Variants in ENPP7 observed in about 807,000 individuals in gnomAD.
The protein encoded by ENPP7 is ectonucleotide pyrophosphatase/phosphodiesterase family member 7.
ENPP7 carries 39 observed loss-of-function variants against 33.6 expected under a neutral mutation model. That is an observed-to-expected ratio of 1.16 (90% CI 0.90 to 1.52). The LOEUF is 1.52. Among genes scored for constraint, ENPP7 ranks in the 40% most tolerant of loss-of-function variants. The pLI is 0.00. For synonymous variants in ENPP7, 244 were observed against 274.3 expected (o/e 0.89, Z 1.09); for missense variants, 594 against 641.0 (o/e 0.93, Z 0.79).
chr17:79,741,935 TG>T lies in ENPP7; in HGVS notation c.*160del. ...GTCCCCGGCAGCGCCAACCCCTGCT[TG>T]GCTGTTATGGTGCTGGTAATAAGCC... On this transcript the variant is annotated 3_prime_UTR_variant, in exon 6 of 6. Transcript: ENST00000328313. The T allele has an allele frequency of 1.0e-6, 1 of 985,558 alleles. No individual in the cohort carries two copies. 61.1% of individuals were successfully genotyped at this position (985,558 alleles called of 1,614,324 possible). A position where few individuals can be genotyped will look rare whatever the true frequency, so the allele number is the denominator to read the frequency against.
rs782229611 is a variant in ENPP7 at position 79,737,085 on chromosome 17, C to T, written c.1071C>T (p.Asn357=). ...ACAATGGGGAGCACGGCTTTGACAA[C>T]AAGGACATGGACATGAAGACCATCT... The part of the protein sequence containing the change: ...QFNNGEHGFD[N]KDMDMKTIFR... Residue 357 remains asparagine, a synonymous_variant, in exon 4 of 6, where the codon AAC becomes AAT. Coordinates refer to ENST00000328313, the MANE Select transcript of ENPP7 (RefSeq NM_178543.5). The surrounding 1 kb of genome is among the most constrained non-coding windows in gnomAD (Gnocchi z 5.5). The T allele has an allele frequency of 5.0e-6, 8 of 1,614,062 alleles. No homozygotes were observed. In the Admixed American group the frequency reaches 1.3e-4, roughly 27 times the overall value.
chr17:79,737,781 G>A lies in ENPP7; in HGVS notation c.1247-135G>A. The A allele has an allele frequency of 1.0e-6, 1 of 973,392 alleles. No individual in the cohort carries two copies. 60.3% of individuals were successfully genotyped at this position (973,392 alleles called of 1,614,324 possible). ...CTATGAAGGGCCGTGGTGGACAAAG[G>A]CCATGGGACCAAGGGGGCGGTGAAA... On this transcript the variant is annotated intron_variant, in intron 4 of 5. Coordinates refer to ENST00000328313, the MANE Select transcript of ENPP7 (RefSeq NM_178543.5). This position sits in a 1 kb window ranked among gnomAD's most constrained non-coding sequence, Gnocchi z 5.5.
Position 79,737,335 on chromosome 17 carries a change from G to A in ENPP7, c.1246+75G>A. 7.7e-7 allele frequency: 1 copy of A among 1,301,120 alleles called. No individual in the cohort carries two copies. Among genetic ancestry groups the A allele is most frequent in the South Asian group, 1.3e-5 (1 of 77,676 alleles). The allele number at this position is 1,301,120 out of a possible 1,614,324, so 80.6% of individuals were successfully genotyped here. On this transcript the variant is annotated intron_variant, in intron 4 of 5. Transcript: ENST00000328313. The surrounding 1 kb of genome is among the most constrained non-coding windows in gnomAD (Gnocchi z 5.5). ...TGCACACGAGGGTGCCTGCATGCCTGTGACCAGGACACCCTTGAGCCCCAA... is the reference window on the plus strand; with the variant it reads ...TGCACACGAGGGTGCCTGCATGCCTATGACCAGGACACCCTTGAGCCCCAA...
intron 5 of ENPP7, among the ~76,000 whole-genome samples, chr17:79,740,584 G>C (rs1905449085): frequency 6.6e-6 from 1 of 152,204 alleles, no homozygotes; most frequent in South Asian, 2.1e-4. Context: ...TTAACCAAGA[G>C]AGGGACTCAG....
rs782468121 is a variant in ENPP7, at chr17:79,735,346, C to T, written c.703C>T (p.Leu235Phe). Reference sequence around the variant, plus strand: ...CCGGGAGAGCATCGCGCGCAACCACCTCACAGACCGCCTCAACCTGATCAT... The same window carrying T: ...CCGGGAGAGCATCGCGCGCAACCACTTCACAGACCGCCTCAACCTGATCAT... ...YLRESIARNH[L>F]TDRLNLIITS... Residue 235 changes from leucine (L) to phenylalanine (F), a missense_variant, in exon 3 of 6, where the codon CTC becomes TTC. Transcript: ENST00000328313. The surrounding 1 kb of genome is among the most constrained non-coding windows in gnomAD (Gnocchi z 5.5). 1.2e-6 allele frequency: 2 copies of T among 1,613,840 alleles called. No individual in the cohort carries two copies. Among genetic ancestry groups the T allele is most frequent in the Non-Finnish European group, 8.5e-7 (1 of 1,180,020 alleles).
intron 2 of ENPP7, 57 bp from the exon 3 acceptor site, chr17:79,734,986 T>C: frequency 6.4e-7 from 1 of 1,569,230 alleles, no homozygotes; most frequent in Non-Finnish European, 8.7e-7. Context: ...TTCACAGGCA[T>C]GAGACAAGGG....
At position 79,737,287 on chromosome 17, in the gene ENPP7, G is replaced by A. The variant is rs188510173; in HGVS notation, c.1246+27G>A. 3.3e-4 allele frequency: 518 copies of A among 1,548,990 alleles called. 2 individuals carry two copies. The East Asian group carries it at 5.1e-3, about 15-fold the overall frequency. On this transcript the variant is annotated intron_variant, in intron 4 of 5. Coordinates refer to ENST00000328313, the MANE Select transcript of ENPP7 (RefSeq NM_178543.5). This position sits in a 1 kb window ranked among gnomAD's most constrained non-coding sequence, Gnocchi z 5.5. ...TGAGGGCAGGGTGCCCCAAATCCCCGCCTGCTCTGGTGTGTACACGTGTGC... is the reference window on the plus strand; with the variant it reads ...TGAGGGCAGGGTGCCCCAAATCCCCACCTGCTCTGGTGTGTACACGTGTGC...
In ENPP7 at chr17:79,735,428, T is replaced by C; in HGVS notation, c.785T>C (p.Phe262Ser). 3.7e-6 allele frequency: 6 copies of C among 1,614,106 alleles called. No homozygotes were observed. The highest frequency in any genetic ancestry group is 5.1e-6 in the Non-Finnish European group (6 of 1,180,034). Reference protein sequence around the residue: ...VDKRAGDLVEFHKFPNFTFRD... With the variant: ...VDKRAGDLVESHKFPNFTFRD... ...AAACGGGCTGGCGACCTGGTTGAAT[T>C]CCACAAGTTCCCCAACTTCACCTTC... Residue 262 changes from phenylalanine (F) to serine (S), a missense_variant, in exon 3 of 6, where the codon TTC becomes TCC. Coordinates refer to ENST00000328313, the MANE Select transcript of ENPP7 (RefSeq NM_178543.5). The surrounding 1 kb of genome is among the most constrained non-coding windows in gnomAD (Gnocchi z 5.5).
At position 79,735,218 on chromosome 17, in the gene ENPP7, C is replaced by T. The variant is rs782239979; in HGVS notation, c.575C>T (p.Thr192Ile). The stretch of plus-strand genomic sequence containing the variant: ...ACAGAGGAGGACCTGGATCTGGTCA[C>T]ACTCTACTTCGGGGAGCCGGACTCC... Reference protein sequence around the residue: ...WFTEEDLDLVTLYFGEPDSTG... With the variant: ...WFTEEDLDLVILYFGEPDSTG... The change falls in exon 3 of 6, where the codon ACA (threonine) becomes ATA (isoleucine). Residue 192 changes from threonine to isoleucine, a missense_variant. Around this residue, in one of 3 missense-constraint regions of ENPP7, gnomAD observed 504 missense variants for 512.8 expected, o/e 0.98. Transcript: ENST00000328313. The surrounding 1 kb of genome is among the most constrained non-coding windows in gnomAD (Gnocchi z 5.5). 9.3e-6 allele frequency: 15 copies of T among 1,613,414 alleles called. No individual in the cohort carries two copies. Among genetic ancestry groups the T allele is most frequent in the Non-Finnish European group, 1.2e-5 (14 of 1,180,020 alleles).
At chr17:79,740,972 A>T (rs1161443268) in intron 5 of ENPP7, among the ~76,000 whole-genome samples, 8 of 151,960 alleles carry the variant, frequency 5.3e-5, no homozygotes, top group African/African-American at 1.2e-4. Flanking sequence ...TTCTGTGGCT[A>T]GCTTCTTTTC....
Position 79,738,262 on chromosome 17 carries a change from G to A in ENPP7, c.*16+200G>A. The stretch of plus-strand genomic sequence containing the variant: ...CTGACCCTTCCAGCCTCTCTGCTCT[G>A]GGCTTGGAGGAGGTCTTTCCAGAGC... On this transcript the variant is annotated intron_variant, in intron 5 of 5. Coordinates refer to ENST00000328313, the MANE Select transcript of ENPP7 (RefSeq NM_178543.5). This position sits in a 1 kb window ranked among gnomAD's most constrained non-coding sequence, Gnocchi z 6.2. 1.7e-6 allele frequency: 1 copy of A among 574,412 alleles called. No individual in the cohort carries two copies. The allele number at this position is 574,412 out of a possible 1,614,324, so 35.6% of individuals were successfully genotyped here. A position where few individuals can be genotyped will look rare whatever the true frequency, so the allele number is the denominator to read the frequency against.
intron 2 of ENPP7, 49 bp from the exon 3 acceptor site, chr17:79,734,994 G>C (rs72855484): frequency 0.096 from 151,715 of 1,583,924 alleles, 7,973 homozygotes; most frequent in South Asian, 0.17. Flanking sequence ...CATGAGACAA[G>C]GGGCAGCCCA....
rs2094298952 is a variant in ENPP7 at position 79,737,955 on chromosome 17, C to G, written c.1286C>G (p.Pro429Arg). The change falls in exon 5 of 6, where the codon CCC (proline) becomes CGC (arginine). Residue 429 changes from proline to arginine, a missense_variant. By Grantham distance (103) the Pro-to-Arg change is moderately radical. This residue lies in a region of ENPP7 where 504 missense variants were observed against 512.8 expected (regional missense o/e 0.98). Transcript: ENST00000328313. The surrounding 1 kb of genome is among the most constrained non-coding windows in gnomAD (Gnocchi z 5.5). The part of the protein sequence containing the change: ...LPPDGRPTLL[P>R]KGRSALPPSS... Reference sequence around the variant, plus strand: ...CCTGATGGAAGGCCTACTCTCCTGCCCAAGGGAAGATCTGCTCTCCCGCCC... The same window carrying G: ...CCTGATGGAAGGCCTACTCTCCTGCGCAAGGGAAGATCTGCTCTCCCGCCC... 1 of 1,613,742 alleles carries G rather than the reference C, an allele frequency of 6.2e-7. No homozygotes were observed. Among genetic ancestry groups the G allele is most frequent in the Admixed American group, 1.7e-5 (1 of 60,010 alleles).
intron 2 of ENPP7, 41 bp downstream of exon 2, chr17:79,733,694 G>C (rs11150740): frequency 0.085 from 132,013 of 1,555,180 alleles, 8,986 homozygotes; most frequent in East Asian, 0.4. Flanking sequence ...CAGAGCACGG[G>C]GGCACCTAGG....
At chr17:79,732,259 A>G (rs2094288078) in intron 1 of ENPP7, among the ~76,000 whole-genome samples, 1 of 150,482 alleles carries the variant, frequency 6.6e-6, no homozygotes, top group African/African-American at 2.4e-5. Flanking sequence ...CCTGGGTGAC[A>G]GAGCAAGACC....
chr17:79,741,312 G>C (rs781999422), intron 5 of ENPP7, among the ~76,000 whole-genome samples: 37 of 152,312 alleles, frequency 2.4e-4, no homozygotes, highest in Middle Eastern at 3.4e-3. Context: ...TCTTTCCTCT[G>C]AAGCTAGTGT....
chr17:79,741,916 G>A lies in ENPP7; in HGVS notation c.*139G>A. The A allele has an allele frequency of 1.0e-6, 1 of 985,576 alleles. No homozygotes were observed. Among genetic ancestry groups the A allele is most frequent in the Non-Finnish European group, 1.2e-6 (1 of 830,082 alleles). 61.1% of individuals were successfully genotyped at this position (985,576 alleles called of 1,614,324 possible). On this transcript the variant is annotated 3_prime_UTR_variant, in exon 6 of 6. Coordinates refer to ENST00000328313, the MANE Select transcript of ENPP7 (RefSeq NM_178543.5). ...CCAGAGGCTGCATGCCACTGTCCCC[G>A]GCAGCGCCAACCCCTGCTTGGCTGT...
Position 79,735,124 on chromosome 17 carries a change from G to A in ENPP7, c.481G>A (p.Gly161Ser), listed in dbSNP as rs1370257782. The change falls in exon 3 of 6, where the codon GGC (glycine) becomes AGC (serine). Residue 161 changes from glycine to serine, a missense_variant. Gly to Ser is a moderately conservative substitution (Grantham distance 56). Transcript: ENST00000328313. This position sits in a 1 kb window ranked among gnomAD's most constrained non-coding sequence, Gnocchi z 5.5. ...GVAVTRSRKE[G>S]IAHNYKNETE... ...GGCTGTGACGCGGAGCCGGAAAGAA[G>A]GCATCGCACACAACTACAAAAATGA... The A allele has an allele frequency of 2.5e-6, 4 of 1,613,038 alleles. No homozygotes were observed. Among genetic ancestry groups the A allele is most frequent in the Non-Finnish European group, 3.4e-6 (4 of 1,180,038 alleles).
intron 1 of ENPP7, among the ~76,000 whole-genome samples, chr17:79,732,677 T>G (rs1555822782): frequency 6.6e-6 from 1 of 152,176 alleles, no homozygotes. Flanking sequence ...GTGTCTGTAT[T>G]CAAACTTTCC....
Sources: allele counts gnomAD v4.1 joint callset (sites outside exome capture counted in the v4.1 genomes callset), GRCh38; gene constraint gnomAD v4.1.1; regional missense constraint gnomAD v4.1.1; non-coding constraint Gnocchi (gnomAD v3.1); transcripts MANE v1.5; gene names NCBI Gene and HGNC (gene_info 2026-07-23, HGNC 2026-07-21).